NTNG2: variants seen among roughly 807,000 people sequenced by gnomAD.
NTNG2 encodes the protein netrin G2, also known as netrin-G2.
A neutral mutation model predicts 47.6 loss-of-function variants in NTNG2; 15 were observed. The observed-to-expected ratio is 0.32, with a 90% CI of 0.21 to 0.49. The LOEUF (loss-of-function observed/expected upper bound fraction) is 0.49, where lower values mean the gene tolerates loss of function less well. NTNG2 is among the 20% of genes least tolerant of loss of function. The pLI, the probability that NTNG2 is intolerant of heterozygous loss-of-function variation, is 0.99. For synonymous variants in NTNG2, 307 were observed against 324.6 expected (o/e 0.95, Z 0.58); for missense variants, 578 against 764.6 (o/e 0.76, Z 2.88).
chr9:132,230,957 C>T (rs945524124), intron 5 of NTNG2, among the ~76,000 whole-genome samples: 20 of 152,284 alleles, frequency 1.3e-4, no homozygotes, highest in East Asian at 1.9e-4. Flanking sequence ...CTGCCACCCA[C>T]GCCACTTCTC....
intron 1 of NTNG2, among the ~76,000 whole-genome samples, chr9:132,165,456 T>G (rs1028506856): frequency 3.9e-5 from 6 of 152,196 alleles, no homozygotes; most frequent in South Asian, 4.1e-4. Context: ...CACAAAGCAT[T>G]GTTACCTCTT....
intron 6 of NTNG2, chr9:132,240,666 G>C (rs1841917430): frequency 1.7e-6 from 1 of 596,322 alleles, no homozygotes; most frequent in Non-Finnish European, 3.0e-6. Flanking sequence ...ACCAGTGCCA[G>C]GGCGGGGAAG....
At chr9:132,239,492 C>A (rs1841848413) in intron 6 of NTNG2, among the ~76,000 whole-genome samples, 1 of 152,230 alleles carries the variant, frequency 6.6e-6, no homozygotes, top group African/African-American at 2.4e-5. Flanking sequence ...AAGTTTTGCA[C>A]TGGAGTTGCA....
intron 2 of NTNG2, among the ~76,000 whole-genome samples, chr9:132,187,373 C>T (rs751773984): frequency 2.6e-5 from 4 of 152,200 alleles, no homozygotes; most frequent in African/African-American, 4.8e-5. Context: ...GGTTGGTTTA[C>T]GCTGATTCAC....
intron 3 of NTNG2, among the ~76,000 whole-genome samples, chr9:132,222,351 C>T (rs961704074): frequency 1.3e-5 from 2 of 152,256 alleles, no homozygotes; most frequent in African/African-American, 4.8e-5. Context: ...CCCTCTGTGC[C>T]TTTCCCAGAG....
rs547272111 is a variant in NTNG2 at position 132,163,173 on chromosome 9, A to G, written c.-484+934A>G. Among the ~76,000 whole-genome samples, 170 of 152,166 alleles carry G rather than the reference A, an allele frequency of 1.1e-3. No homozygotes were observed. Among genetic ancestry groups the G allele is most frequent in the African/African-American group, 3.9e-3 (163 of 41,538 alleles). ...ATTATTAATTGCTGCCGTGGCTTGC[A>G]CGCAACTTTGGGAAGACGAAAAGCA... On this transcript the variant is annotated intron_variant, in intron 1 of 7. Coordinates refer to ENST00000393229, the MANE Select transcript of NTNG2 (RefSeq NM_032536.4). This position sits in a 1 kb window ranked among gnomAD's most constrained non-coding sequence, Gnocchi z 7.2.
chr9:132,169,401 G>T (rs1175987874), intron 2 of NTNG2, among the ~76,000 whole-genome samples: 5 of 152,232 alleles, frequency 3.3e-5, no homozygotes, highest in African/African-American at 1.2e-4. Flanking sequence ...TTTGGAGGGG[G>T]TGGTTACTTC....
rs1022238967 is a variant in NTNG2, at chr9:132,180,288, G to A, written c.213+13244G>A. On this transcript the variant is annotated intron_variant, in intron 2 of 7. Transcript: ENST00000393229. The surrounding 1 kb of genome is among the most constrained non-coding windows in gnomAD (Gnocchi z 4.2). ...AGAGACCAATGAGAGATGAGCCCAC[G>A]GTGCTCCTGCCCTCCACCAAGGCAG... 1.3e-5 allele frequency among the ~76,000 whole-genome samples: 2 copies of A among 152,238 alleles called. No individual in the cohort carries two copies. Among genetic ancestry groups the A allele is most frequent in the Non-Finnish European group, 2.9e-5 (2 of 68,044 alleles).
intron 2 of NTNG2, among the ~76,000 whole-genome samples, chr9:132,177,598 C>T (rs1041317978): frequency 6.6e-6 from 1 of 152,208 alleles, no homozygotes; most frequent in Non-Finnish European, 1.5e-5. Context: ...TGTCGAAAAT[C>T]AATTGAGCAT....
At chr9:132,193,251 T>A (rs1475414052) in intron 2 of NTNG2, among the ~76,000 whole-genome samples, 1 of 152,232 alleles carries the variant, frequency 6.6e-6, no homozygotes, top group African/African-American at 2.4e-5. Flanking sequence ...ATTTTATTAA[T>A]AGCTTATTAA....
chr9:132,235,207 C>T (rs1841529089), intron 5 of NTNG2, among the ~76,000 whole-genome samples: 1 of 152,210 alleles, frequency 6.6e-6, no homozygotes, highest in African/African-American at 2.4e-5. Context: ...AGGACACCTT[C>T]CAGGACACTT....
rs748746496 is a variant in NTNG2, at chr9:132,240,895, C to CCCGTGT, written c.1223-10_1223-5dup. The CCCGTGT allele has an allele frequency of 3.1e-6, 5 of 1,612,610 alleles. No individual in the cohort carries two copies. The African/African-American group carries it at 4.0e-5, about 13-fold the overall frequency. On this transcript the variant is annotated splice_polypyrimidine_tract_variant and intron_variant, in intron 6 of 7. Transcript: ENST00000393229. ...ACGTAGCCCTGACCGCGCGCCCGTGCCCGTGTCCGTCCAGAGTGTAACTGC... is the reference window on the plus strand; with the variant it reads ...ACGTAGCCCTGACCGCGCGCCCGTGCCCGTGTCCGTGTCCGTCCAGAGTGTAACTGC...
rs1842065977 is a variant in NTNG2, at chr9:132,242,779, CCGCGGG to C, written c.*669_*674del. ...GGGGACGGGGCGGGAGCACTGGTCACCGCGGGGGCCGATGGTGGAGAATCCGAGGAG... is the reference window on the plus strand; with the variant it reads ...GGGGACGGGGCGGGAGCACTGGTCACGGCCGATGGTGGAGAATCCGAGGAG... On this transcript the variant is annotated 3_prime_UTR_variant, in exon 8 of 8. Coordinates refer to ENST00000393229, the MANE Select transcript of NTNG2 (RefSeq NM_032536.4). This position sits in a 1 kb window ranked among gnomAD's most constrained non-coding sequence, Gnocchi z 5.9. 6.6e-6 allele frequency: 1 copy of C among 152,274 alleles called. No homozygotes were observed. The highest frequency in any genetic ancestry group is 1.5e-5 in the Non-Finnish European group (1 of 68,078). 9.4% of individuals were successfully genotyped at this position (152,274 alleles called of 1,614,324 possible).
At chr9:132,174,693 G>A (rs899095624) in intron 2 of NTNG2, among the ~76,000 whole-genome samples, 1 of 152,100 alleles carries the variant, frequency 6.6e-6, no homozygotes, top group African/African-American at 2.4e-5. Context: ...AGGCTGAGGT[G>A]GGCGGATCAC....
At chr9:132,238,662 G>A (rs761624790) in intron 5 of NTNG2, among the ~76,000 whole-genome samples, 2 of 152,226 alleles carry the variant, frequency 1.3e-5, no homozygotes, top group African/African-American at 2.4e-5. Flanking sequence ...TCATCTACCC[G>A]AGGATACCAC....
intron 2 of NTNG2, among the ~76,000 whole-genome samples, chr9:132,168,256 G>A (rs1041803115): frequency 1.3e-5 from 2 of 152,228 alleles, no homozygotes; most frequent in African/African-American, 4.8e-5. Flanking sequence ...CCCTGGCAGG[G>A]CAGGGCAGAG....
chr9:132,227,796 C>T (rs1486930915), intron 4 of NTNG2, among the ~76,000 whole-genome samples: 2 of 152,192 alleles, frequency 1.3e-5, no homozygotes, highest in African/African-American at 2.4e-5. Context: ...GGCGCGCTAG[C>T]GTAGTCCACA....
intron 2 of NTNG2, among the ~76,000 whole-genome samples, chr9:132,184,743 G>A (rs1011304367): frequency 6.6e-6 from 1 of 152,192 alleles, no homozygotes; most frequent in Admixed American, 6.5e-5. Flanking sequence ...GACCAACATG[G>A]GGAAACCCAG....
chr9:132,219,536 G>A (rs1027825527), intron 3 of NTNG2, among the ~76,000 whole-genome samples: 1 of 137,402 alleles, frequency 7.3e-6, no homozygotes, highest in Non-Finnish European at 1.5e-5. Context: ...TCATACCACT[G>A]TACTCCAGCC....
Sources: allele counts gnomAD v4.1 joint callset (sites outside exome capture counted in the v4.1 genomes callset), GRCh38; gene constraint gnomAD v4.1.1; non-coding constraint Gnocchi (gnomAD v3.1); transcripts MANE v1.5; gene names NCBI Gene and HGNC (gene_info 2026-07-23, HGNC 2026-07-21).